EXOSC8: variants seen among roughly 807,000 people sequenced by gnomAD.
The protein encoded by EXOSC8 is exosome complex component RRP43.
EXOSC8 carries 37 observed loss-of-function variants against 39.9 expected under a neutral mutation model. The observed-to-expected ratio is 0.93, with a 90% CI of 0.71 to 1.22. The LOEUF is 1.22. EXOSC8 is among the 50% of genes most tolerant of loss of function. The pLI is 0.00. For missense variants in EXOSC8, 313 were observed against 326.6 expected (o/e 0.96, Z 0.32); for synonymous variants, 93 against 109.5 (o/e 0.85, Z 0.94).
chr13:37,004,861 A>C (rs1421859194), intron 5 of EXOSC8, among the ~76,000 whole-genome samples: 1 of 152,166 alleles, frequency 6.6e-6, no homozygotes. Flanking sequence ...CACACCTATA[A>C]TACCAGGATT....
chr13:37,006,108 A>G lies in EXOSC8; in HGVS notation c.345-7A>G. The G allele has an allele frequency of 1.2e-6, 2 of 1,609,134 alleles. No individual in the cohort carries two copies. The highest frequency in any genetic ancestry group is 1.7e-6 in the Non-Finnish European group (2 of 1,175,880). ...TCATTTACTTTGCTCTTTGTCATTA[A>G]ATCAAGTTCACAGATAATTCAGAAA... On this transcript the variant is annotated splice_polypyrimidine_tract_variant and splice_region_variant and intron_variant, in intron 6 of 10. Coordinates refer to ENST00000389704, the MANE Select transcript of EXOSC8 (RefSeq NM_181503.3).
chr13:37,002,122 A>G, intron 1 of EXOSC8, 151 bp from the exon 2 acceptor site: 3 of 564,528 alleles, frequency 5.3e-6, no homozygotes, highest in Non-Finnish European at 9.5e-6. Flanking sequence ...TGTGATTGCT[A>G]CTACAAGGAT....
At position 37,002,328 on chromosome 13, in the gene EXOSC8, C is replaced by T. The variant is rs765943212; in HGVS notation, c.54+19C>T. 2.6e-5 allele frequency: 42 copies of T among 1,592,888 alleles called. No homozygotes were observed. In the South Asian group the frequency reaches 4.6e-4, roughly 17 times the overall value. ...ATTTCTGGTGAGTAAAGGTTATGTACATGTTATGCGTTTTGATAACGAGCT... is the reference window on the plus strand; with the variant it reads ...ATTTCTGGTGAGTAAAGGTTATGTATATGTTATGCGTTTTGATAACGAGCT... On this transcript the variant is annotated intron_variant, in intron 2 of 10. Transcript: ENST00000389704.
Position 37,002,320 on chromosome 13 carries a change from G to A in EXOSC8, c.54+11G>A. 1 of 1,601,216 alleles carries A rather than the reference G, an allele frequency of 6.2e-7. No individual in the cohort carries two copies. The highest frequency in any genetic ancestry group is 8.6e-7 in the Non-Finnish European group (1 of 1,169,184). On this transcript the variant is annotated intron_variant, in intron 2 of 10. Coordinates refer to ENST00000389704, the MANE Select transcript of EXOSC8 (RefSeq NM_181503.3). Reference sequence around the variant, plus strand: ...TACAGGAGATTTCTGGTGAGTAAAGGTTATGTACATGTTATGCGTTTTGAT... The same window carrying A: ...TACAGGAGATTTCTGGTGAGTAAAGATTATGTACATGTTATGCGTTTTGAT...
chr13:37,002,704 A>C (rs2059114539), intron 3 of EXOSC8, among the ~76,000 whole-genome samples, 153 bp downstream of exon 3: 1 of 152,214 alleles, frequency 6.6e-6, no homozygotes, highest in South Asian at 2.1e-4. Flanking sequence ...CCTGTAACTA[A>C]ATGAAAAATG....
At chr13:37,000,859 C>T (rs950295859) in intron 1 of EXOSC8, 37 bp downstream of exon 1, 8 of 1,484,586 alleles carry the variant, frequency 5.4e-6, no homozygotes, top group African/African-American at 1.4e-5. Flanking sequence ...GTTCTGTACC[C>T]TGGCGGACGG....
rs765996165 is a variant in EXOSC8, at chr13:37,008,152, G to C, written c.583G>C (p.Ala195Pro). Residue 195 changes from alanine to proline, a missense_variant, in exon 9 of 11, where the codon GCA becomes CCA. Transcript: ENST00000389704. ...SYLNIRTHPV[A>P]TSFAVFDDTL... ...TTTGAATATTAGAACTCATCCAGTT[G>C]CAACTTCCTTTGCTGTGTTTGATGA... 6.3e-7 allele frequency: 1 copy of C among 1,598,792 alleles called. No homozygotes were observed. Among genetic ancestry groups the C allele is most frequent in the South Asian group, 1.1e-5 (1 of 87,828 alleles).
In EXOSC8 at chr13:37,007,046, T is replaced by C; in HGVS notation, c.462T>C (p.Phe154=). The change falls in exon 8 of 11, where the codon TTT becomes TTC. Residue 154 remains phenylalanine, a synonymous_variant. Transcript: ENST00000389704. The stretch of plus-strand genomic sequence containing the variant: ...GAAACATTTTGGATGCCTGCACATT[T>C]GCTTTGCTAGCGGCTTTAAAAAATG... ...YDGNILDACT[F]ALLAALKNVQ... The C allele has an allele frequency of 6.2e-7, 1 of 1,612,936 alleles. No individual in the cohort carries two copies. The highest frequency in any genetic ancestry group is 8.5e-7 in the Non-Finnish European group (1 of 1,178,864).
At chr13:37,004,592 A>C in intron 5 of EXOSC8, 31 bp downstream of exon 5, 1 of 1,397,218 alleles carries the variant, frequency 7.2e-7, no homozygotes, top group Non-Finnish European at 1.0e-6. Flanking sequence ...ATTTTAATAC[A>C]AATACTTTTA....
rs36027220 is a variant in EXOSC8, at chr13:37,009,283, G to C, written c.815G>C (p.Ser272Thr). The C allele has an allele frequency of 5.6e-3, 8,908 of 1,595,800 alleles. 37 individuals are homozygous for C. Among genetic ancestry groups the C allele is most frequent in the Non-Finnish European group, 6.9e-3 (7,979 of 1,164,452 alleles). The change falls in exon 11 of 11, where the codon AGT (serine) becomes ACT (threonine). Residue 272 changes from serine (S) to threonine (T), a missense_variant. Physicochemically the swap from Ser to Thr is moderately conservative, Grantham distance 58. Transcript: ENST00000389704. ...VKKLMDEVIK[S>T]MKPK ...AAACTGATGGATGAAGTAATTAAGA[G>C]TATGAAACCCAAATAAACAGCCACC...
Position 37,004,538 on chromosome 13 carries a change from A to T in EXOSC8, c.215A>T (p.Asp72Val), listed in dbSNP as rs916263378. ...TAGGAATTTGCAGCACCATCAACAG[A>T]TGCCCCTGATAAAGGATACGTTGGT... ...VKAEFAAPST[D>V]APDKGYVVPN... Residue 72 changes from aspartate (D) to valine (V), a missense_variant, in exon 5 of 11, where the codon GAT becomes GTT. Transcript: ENST00000389704. The T allele has an allele frequency of 6.2e-7, 1 of 1,608,294 alleles. No homozygotes were observed. Among genetic ancestry groups the T allele is most frequent in the African/African-American group, 1.3e-5 (1 of 74,914 alleles).
intron 1 of EXOSC8, among the ~76,000 whole-genome samples, chr13:37,001,198 C>A (rs1370712868): frequency 6.6e-6 from 1 of 152,162 alleles, no homozygotes; most frequent in East Asian, 1.9e-4. Context: ...CACCTGACGT[C>A]AGGAGTTCGA....
rs753268809 is a variant in EXOSC8, at chr13:37,006,174, A to G, written c.390+14A>G. 3 of 1,569,560 alleles carry G rather than the reference A, an allele frequency of 1.9e-6. No individual in the cohort carries two copies. Among genetic ancestry groups the G allele is most frequent in the Admixed American group, 1.7e-5 (1 of 57,502 alleles). On this transcript the variant is annotated intron_variant, in intron 7 of 10. Coordinates refer to ENST00000389704, the MANE Select transcript of EXOSC8 (RefSeq NM_181503.3). Reference sequence around the variant, plus strand: ...TCTCCAGGAAAGGTAAGAGGAATAGAGAAGCTATAAGTTCTTATTAATTCT... The same window carrying G: ...TCTCCAGGAAAGGTAAGAGGAATAGGGAAGCTATAAGTTCTTATTAATTCT...
chr13:37,007,071 G>GCAATATT lies in EXOSC8; in HGVS notation c.487_487+1insCAATATT (p.Val163AlafsTer7). The stretch of plus-strand genomic sequence containing the variant: ...TGCTTTGCTAGCGGCTTTAAAAAAT[G>GCAATATT]GTAAGCAGCCTTACAAAAAAGGCAA... On this transcript the variant is annotated frameshift_variant and splice_region_variant. Coordinates refer to ENST00000389704, the MANE Select transcript of EXOSC8 (RefSeq NM_181503.3). LOFTEE classifies it high-confidence loss of function. 1.2e-6 allele frequency: 2 copies of GCAATATT among 1,602,432 alleles called. No individual in the cohort carries two copies. Among genetic ancestry groups the GCAATATT allele is most frequent in the Non-Finnish European group, 1.7e-6 (2 of 1,169,354 alleles).
intron 1 of EXOSC8, chr13:37,001,941 AT>A (rs2059108562): frequency 5.0e-6 from 1 of 199,914 alleles, no homozygotes; most frequent in Non-Finnish European, 1.0e-5. Flanking sequence ...TGATCACTAG[AT>A]TATTAAAATA....
chr13:37,009,120 C>A, intron 10 of EXOSC8, 64 bp from the exon 11 acceptor site: 4 of 1,064,776 alleles, frequency 3.8e-6, no homozygotes, highest in Non-Finnish European at 5.6e-6. Flanking sequence ...TTTGACATGA[C>A]ATTAATGTTT....
chr13:37,000,841 C>A lies in EXOSC8; in HGVS notation c.17+19C>A, dbSNP rs763181416. 12 of 1,559,988 alleles carry A rather than the reference C, an allele frequency of 7.7e-6. No individual in the cohort carries two copies. The East Asian group carries it at 2.2e-4, about 29-fold the overall frequency. ...GGTTCAAGTGAGTGTTGGCGGGTGGCGGGTAGAGTTCTGTACCCTGGCGGA... is the reference window on the plus strand; with the variant it reads ...GGTTCAAGTGAGTGTTGGCGGGTGGAGGGTAGAGTTCTGTACCCTGGCGGA... On this transcript the variant is annotated intron_variant, in intron 1 of 10. Coordinates refer to ENST00000389704, the MANE Select transcript of EXOSC8 (RefSeq NM_181503.3).
rs765593868 is a variant in EXOSC8, at chr13:37,007,023, AAC to A, written c.441_442del (p.Ile148PhefsTer19). The part of the protein sequence containing the change: ...CDLICLDYDG[N>X]ILDACTFALL... Reference sequence around the variant, plus strand: ...TCTCATTTGCCTCGACTACGATGGAAACATTTTGGATGCCTGCACATTTGCTT... The same window carrying A: ...TCTCATTTGCCTCGACTACGATGGAAATTTTGGATGCCTGCACATTTGCTT... On this transcript the variant is annotated frameshift_variant, in exon 8 of 11. Transcript: ENST00000389704. LOFTEE classifies it high-confidence loss of function. 1.9e-6 allele frequency: 3 copies of A among 1,613,814 alleles called. No homozygotes were observed. The highest frequency in any genetic ancestry group is 1.7e-6 in the Non-Finnish European group (2 of 1,179,674).
rs142300123 is a variant in EXOSC8, at chr13:37,008,038, C to G, written c.488-19C>G. The G allele has an allele frequency of 2.0e-4, 311 of 1,538,020 alleles. No individual in the cohort carries two copies. Among genetic ancestry groups the G allele is most frequent in the Non-Finnish European group, 2.5e-4 (287 of 1,128,714 alleles). ...GTTTCTTAGAGACTTACTTACTTTACAAATTTGCCTTTTCTTAGTACAGTT... is the reference window on the plus strand; with the variant it reads ...GTTTCTTAGAGACTTACTTACTTTAGAAATTTGCCTTTTCTTAGTACAGTT... On this transcript the variant is annotated intron_variant, in intron 8 of 10. Transcript: ENST00000389704.
Sources: gnomAD v4.1 joint callset for allele counts (sites outside exome capture counted in the v4.1 genomes callset) on GRCh38, gnomAD v4.1.1 for gene constraint, MANE v1.5 for transcripts, NCBI Gene and HGNC (gene_info 2026-07-23, HGNC 2026-07-21) for gene names.